PPARA: variants seen among roughly 807,000 people sequenced by gnomAD.
PPARA encodes peroxisome proliferator activated receptor alpha.
In PPARA, 22 loss-of-function variants were observed where a neutral mutation model predicts 42.2. The observed-to-expected ratio is 0.52, with a 90% CI of 0.37 to 0.74. The LOEUF (loss-of-function observed/expected upper bound fraction) is 0.74, where lower values mean the gene tolerates loss of function less well. Ranked by LOEUF, PPARA falls within the 30% of genes least tolerant of loss-of-function variation. PPARA has a pLI of 0.00. For synonymous variants in PPARA, 242 were observed against 239.3 expected (o/e 1.01, Z -0.10); for missense variants, 465 against 608.2 (o/e 0.76, Z 2.48).
In PPARA at chr22:46,193,475, T is replaced by G. The variant is rs751082928; in HGVS notation, c.-42-4867T>G. ...TGTTGTAACTGAAAGGATCAATGCTTGAGGGCACAGCTACCCCATTCCCCA... is the reference window on the plus strand; with the variant it reads ...TGTTGTAACTGAAAGGATCAATGCTGGAGGGCACAGCTACCCCATTCCCCA... On this transcript the variant is annotated intron_variant, in intron 3 of 8. Transcript: ENST00000407236. This position sits in a 1 kb window ranked among gnomAD's most constrained non-coding sequence, Gnocchi z 5.3. Among the ~76,000 whole-genome samples the G allele has an allele frequency of 2.0e-5, 3 of 152,206 alleles. No individual in the cohort carries two copies. The highest frequency in any genetic ancestry group is 2.9e-5 in the Non-Finnish European group (2 of 68,032).
chr22:46,169,139 C>T (rs1927577372), intron 2 of PPARA, among the ~76,000 whole-genome samples: 1 of 151,916 alleles, frequency 6.6e-6, no homozygotes, highest in African/African-American at 2.4e-5. Flanking sequence ...TGTCAATACC[C>T]ATAAAATGTA....
chr22:46,175,854 G>C (rs183596957), intron 2 of PPARA: 1 of 152,164 alleles, frequency 6.6e-6, no homozygotes, highest in Non-Finnish European at 1.5e-5. Flanking sequence ...AATTTCCATG[G>C]TATGGAGGAA....
At position 46,221,754 on chromosome 22, in the gene PPARA, G is replaced by A. The variant is rs187742785; in HGVS notation, c.711+1740G>A. Among the ~76,000 whole-genome samples, 16 of 152,040 alleles carry A rather than the reference G, an allele frequency of 1.1e-4. No individual in the cohort carries two copies. In the East Asian group the frequency reaches 2.1e-3, roughly 20 times the overall value. On this transcript the variant is annotated intron_variant, in intron 7 of 8. Coordinates refer to ENST00000407236, the MANE Select transcript of PPARA (RefSeq NM_005036.6). The surrounding 1 kb of genome is among the most constrained non-coding windows in gnomAD (Gnocchi z 5.9). ...GCAGAGCTTGCAGTGAGCCGAGATCGTGCCACTGCACTTCCAGCCTGGGCG... is the reference window on the plus strand; with the variant it reads ...GCAGAGCTTGCAGTGAGCCGAGATCATGCCACTGCACTTCCAGCCTGGGCG...
At position 46,234,155 on chromosome 22, in the gene PPARA, T is replaced by C. The variant is rs1041900994; in HGVS notation, c.1160-978T>C. Among the ~76,000 whole-genome samples, 1 of 152,078 alleles carries C rather than the reference T, an allele frequency of 6.6e-6. No individual in the cohort carries two copies. The highest frequency in any genetic ancestry group is 1.5e-5 in the Non-Finnish European group (1 of 68,014). On this transcript the variant is annotated intron_variant, in intron 8 of 8. Coordinates refer to ENST00000407236, the MANE Select transcript of PPARA (RefSeq NM_005036.6). This position sits in a 1 kb window ranked among gnomAD's most constrained non-coding sequence, Gnocchi z 5.8. ...CCTCTCTTTAGAGACTTAATAGTTA[T>C]AGCCCCAGCCACTCTGGAGGCCGAG...
chr22:46,209,460 A>T (rs879622387), intron 4 of PPARA, among the ~76,000 whole-genome samples: 27 of 137,946 alleles, frequency 2.0e-4, no homozygotes, highest in Non-Finnish European at 3.6e-4. Flanking sequence ...ACATTAGGCC[A>T]CTTGAAGTTG....
chr22:46,185,914 AAAATATATATATATATATAT>A (rs1274565635), intron 3 of PPARA, among the ~76,000 whole-genome samples: 1 of 49,576 alleles, frequency 2.0e-5, no homozygotes, highest in African/African-American at 1.0e-4. Flanking sequence ...AAAAAAAAAA[AAAATATATATATATATATAT>A]ATATATATAT....
chr22:46,174,917 CTT>C (rs199602689), intron 2 of PPARA, among the ~76,000 whole-genome samples: 1 of 145,896 alleles, frequency 6.9e-6, no homozygotes. Context: ...GTTTTTTTTA[CTT>C]TTTTTTTTTT....
chr22:46,209,562 C>T (rs1418446485), intron 4 of PPARA, among the ~76,000 whole-genome samples: 1 of 152,100 alleles, frequency 6.6e-6, no homozygotes, highest in African/African-American at 2.4e-5. Flanking sequence ...TTCAAATTTA[C>T]TAATTTTTTC....
Position 46,232,328 on chromosome 22 carries a change from G to A in PPARA, c.1159+89G>A. ...ACAATGGGAAATCCAGTACCAGCCT[G>A]AGCTGTTCCAGTGGAGGGGACACTC... On this transcript the variant is annotated intron_variant, in intron 8 of 8. Coordinates refer to ENST00000407236, the MANE Select transcript of PPARA (RefSeq NM_005036.6). This position sits in a 1 kb window ranked among gnomAD's most constrained non-coding sequence, Gnocchi z 5.3. 7.2e-7 allele frequency: 1 copy of A among 1,383,116 alleles called. No individual in the cohort carries two copies. The highest frequency in any genetic ancestry group is 1.2e-5 in the South Asian group (1 of 86,156). 85.7% of individuals were successfully genotyped at this position (1,383,116 alleles called of 1,614,324 possible). A position where few individuals can be genotyped will look rare whatever the true frequency, so the allele number is the denominator to read the frequency against.
Position 46,180,914 on chromosome 22 carries a change from C to A in PPARA, c.-43+4078C>A, listed in dbSNP as rs1023316772. 6.6e-6 allele frequency among the ~76,000 whole-genome samples: 1 copy of A among 152,168 alleles called. No homozygotes were observed. Among genetic ancestry groups the A allele is most frequent in the African/African-American group, 2.4e-5 (1 of 41,452 alleles). ...TGGTGCCAATGGGAGGACTTTAGCCCGGAAAGGAGATTGGCTCTCCTGCAT... is the reference window on the plus strand; with the variant it reads ...TGGTGCCAATGGGAGGACTTTAGCCAGGAAAGGAGATTGGCTCTCCTGCAT... On this transcript the variant is annotated intron_variant, in intron 3 of 8. Coordinates refer to ENST00000407236, the MANE Select transcript of PPARA (RefSeq NM_005036.6). The surrounding 1 kb of genome is among the most constrained non-coding windows in gnomAD (Gnocchi z 4.2).
intron 2 of PPARA, among the ~76,000 whole-genome samples, chr22:46,169,439 C>T (rs538149658): frequency 3.3e-5 from 5 of 151,800 alleles, no homozygotes; most frequent in South Asian, 2.1e-4. Flanking sequence ...TTTCACCATG[C>T]TAGCCAGGAT....
rs1333274160 is a variant in PPARA, at chr22:46,204,997, A to G, written c.208+6406A>G. Among the ~76,000 whole-genome samples the G allele has an allele frequency of 1.3e-5, 2 of 151,678 alleles. No homozygotes were observed. The highest frequency in any genetic ancestry group is 4.8e-5 in the African/African-American group (2 of 41,284). On this transcript the variant is annotated intron_variant, in intron 4 of 8. Coordinates refer to ENST00000407236, the MANE Select transcript of PPARA (RefSeq NM_005036.6). This position sits in a 1 kb window ranked among gnomAD's most constrained non-coding sequence, Gnocchi z 5.2. The stretch of plus-strand genomic sequence containing the variant: ...ACCCTCCGACCTCAGCCTCCCAAGT[A>G]GCTGGGACCACAGGTGTGTACCACC...
chr22:46,185,894 C>CA (rs1279499029), intron 3 of PPARA, among the ~76,000 whole-genome samples: 1 of 20,862 alleles, frequency 4.8e-5, no homozygotes, highest in African/African-American at 2.7e-4. Context: ...GACTCCGTCT[C>CA]CAAAAAAAAA....
At position 46,234,224 on chromosome 22, in the gene PPARA, C is replaced by T. The variant is rs1384584953; in HGVS notation, c.1160-909C>T. ...CCTAGGAGTTCCAGTCCAGCCTAAG[C>T]AACAGAGCAAGACCCCATCACTAAA... On this transcript the variant is annotated intron_variant, in intron 8 of 8. Coordinates refer to ENST00000407236, the MANE Select transcript of PPARA (RefSeq NM_005036.6). The surrounding 1 kb of genome is among the most constrained non-coding windows in gnomAD (Gnocchi z 5.8). 1.3e-5 allele frequency among the ~76,000 whole-genome samples: 2 copies of T among 152,110 alleles called. No homozygotes were observed. The highest frequency in any genetic ancestry group is 2.4e-5 in the African/African-American group (1 of 41,404).
chr22:46,239,867 T>G lies in PPARA; in HGVS notation c.*4487T>G, dbSNP rs1349943334. On this transcript the variant is annotated 3_prime_UTR_variant, in exon 9 of 9. Transcript: ENST00000407236. Reference sequence around the variant, plus strand: ...CACTTCCCACCTCAAACTCCCATTTTCAAACCACTGTATCTCTGCGCACAT... The same window carrying G: ...CACTTCCCACCTCAAACTCCCATTTGCAAACCACTGTATCTCTGCGCACAT... The G allele has an allele frequency of 7.4e-6, 2 of 271,076 alleles. No individual in the cohort carries two copies. The highest frequency in any genetic ancestry group is 4.4e-5 in the African/African-American group (2 of 45,708). 16.8% of individuals were successfully genotyped at this position (271,076 alleles called of 1,614,324 possible). A position where few individuals can be genotyped will look rare whatever the true frequency, so the allele number is the denominator to read the frequency against.
intron 4 of PPARA, among the ~76,000 whole-genome samples, 168 bp from the exon 5 acceptor site, chr22:46,215,005 G>C (rs1432606189): frequency 6.6e-6 from 1 of 152,162 alleles, no homozygotes; most frequent in Non-Finnish European, 1.5e-5. Context: ...AGCTGTAGGA[G>C]TGCAAGAGGG....
In PPARA at chr22:46,235,719, C is replaced by A; in HGVS notation, c.*339C>A. On this transcript the variant is annotated 3_prime_UTR_variant, in exon 9 of 9. Coordinates refer to ENST00000407236, the MANE Select transcript of PPARA (RefSeq NM_005036.6). The surrounding 1 kb of genome is among the most constrained non-coding windows in gnomAD (Gnocchi z 7.0). ...ATTTACCATTTAATTAACTGGTAAC[C>A]TCAAAATTCGTGGCCTGTCTTCCCA... 1 of 346,460 alleles carries A rather than the reference C, an allele frequency of 2.9e-6. No individual in the cohort carries two copies. Among genetic ancestry groups the A allele is most frequent in the Non-Finnish European group, 5.5e-6 (1 of 180,506 alleles). 21.5% of individuals were successfully genotyped at this position (346,460 alleles called of 1,614,324 possible). A position where few individuals can be genotyped will look rare whatever the true frequency, so the allele number is the denominator to read the frequency against.
intron 2 of PPARA, among the ~76,000 whole-genome samples, chr22:46,169,754 A>G (rs1211861809): frequency 6.6e-6 from 1 of 152,064 alleles, no homozygotes; most frequent in African/African-American, 2.4e-5. Context: ...TTATTAAGAG[A>G]GCTTAAATAT....
chr22:46,189,836 G>A lies in PPARA; in HGVS notation c.-42-8506G>A, dbSNP rs370437196. Among the ~76,000 whole-genome samples the A allele has an allele frequency of 2.4e-4, 36 of 151,952 alleles. No individual in the cohort carries two copies. The East Asian group carries it at 6.2e-3, about 26-fold the overall frequency. ...TTCTCCTGCCTCAGCCTCCCAAGTA[G>A]CTAGGGACTACAGGCACGTGCCACC... is the stretch of plus-strand genomic sequence containing the variant. On this transcript the variant is annotated intron_variant, in intron 3 of 8. Transcript: ENST00000407236.
Sources: gnomAD v4.1 joint callset for allele counts (sites outside exome capture counted in the v4.1 genomes callset) on GRCh38, gnomAD v4.1.1 for gene constraint, Gnocchi (gnomAD v3.1) non-coding constraint, MANE v1.5 for transcripts, NCBI Gene and HGNC (gene_info 2026-07-23, HGNC 2026-07-21) for gene names.